Variants in MTX2 observed in about 807,000 individuals in gnomAD.
MTX2 encodes metaxin 2.
A neutral mutation model predicts 42.3 loss-of-function variants in MTX2; 35 were observed. The observed-to-expected ratio is 0.83, with a 90% CI of 0.63 to 1.10. The LOEUF is 1.10. Among genes scored for constraint, MTX2 ranks in the 50% least tolerant of loss-of-function variants. The probability of loss-of-function intolerance (pLI) is 0.00; values close to 1 mark genes in which losing one functional copy is unlikely to be tolerated. For synonymous variants in MTX2, 119 were observed against 100.9 expected, an observed-to-expected ratio of 1.18 and a Z score of -1.08; for missense variants, 307 against 304.1, an observed-to-expected ratio of 1.01 and a Z score of -0.07.
chr2:176,335,021 C>T (rs1485190952), intron 9 of MTX2, among the ~76,000 whole-genome samples: 1 of 149,258 alleles, frequency 6.7e-6, no homozygotes, highest in East Asian at 2.0e-4. Flanking sequence ...ACAGGACTTT[C>T]TGGTAGAGGA....
At chr2:176,278,554 C>T (rs1370130049) in intron 1 of MTX2, among the ~76,000 whole-genome samples, 3 of 152,042 alleles carry the variant, frequency 2.0e-5, no homozygotes, top group Non-Finnish European at 4.4e-5. Flanking sequence ...GTGATGGGTG[C>T]CCCATAAAAT....
At chr2:176,312,044 A>T (rs1215886327) in intron 3 of MTX2, among the ~76,000 whole-genome samples, 1 of 152,196 alleles carries the variant, frequency 6.6e-6, no homozygotes, top group Admixed American at 6.5e-5. Flanking sequence ...AGTTGTGTGC[A>T]GATCATTATT....
chr2:176,322,788 A>G (rs1233014055), intron 3 of MTX2, among the ~76,000 whole-genome samples: 1 of 151,988 alleles, frequency 6.6e-6, no homozygotes, highest in South Asian at 2.1e-4. Flanking sequence ...TGGATTTACT[A>G]TAATGATTTA....
chr2:176,289,718 T>G (rs2105406549), intron 1 of MTX2, among the ~76,000 whole-genome samples: 1 of 152,230 alleles, frequency 6.6e-6, no homozygotes, highest in East Asian at 1.9e-4. Flanking sequence ...ATTGCTTTGG[T>G]ATGAAAGTGG....
intron 3 of MTX2, among the ~76,000 whole-genome samples, chr2:176,300,097 G>A (rs1452725665): frequency 6.6e-6 from 1 of 151,806 alleles, no homozygotes; most frequent in Admixed American, 6.6e-5. Context: ...TGAGCCGAAT[G>A]TGTATATATG....
chr2:176,315,030 C>T (rs1684404056), intron 3 of MTX2, among the ~76,000 whole-genome samples: 1 of 152,130 alleles, frequency 6.6e-6, no homozygotes, highest in Admixed American at 6.6e-5. Context: ...GCTCTTCTGT[C>T]AGTTGTGTGC....
chr2:176,311,418 A>G (rs1376244545), intron 3 of MTX2, among the ~76,000 whole-genome samples: 1 of 152,176 alleles, frequency 6.6e-6, no homozygotes, highest in East Asian at 1.9e-4. Context: ...GTGGTGGGAG[A>G]ACCACTGTTC....
intron 3 of MTX2, among the ~76,000 whole-genome samples, chr2:176,318,715 A>C (rs1298167095): frequency 1.3e-5 from 2 of 152,202 alleles, no homozygotes; most frequent in African/African-American, 4.8e-5. Flanking sequence ...TGTTTGCTAT[A>C]ATCACTTTCA....
chr2:176,319,638 C>T (rs1436866441), intron 3 of MTX2, among the ~76,000 whole-genome samples: 1 of 151,712 alleles, frequency 6.6e-6, no homozygotes, highest in African/African-American at 2.4e-5. Flanking sequence ...TGCAGTGGTG[C>T]GACCTCAGCT....
intron 1 of MTX2, among the ~76,000 whole-genome samples, chr2:176,291,496 C>T (rs1693327598): frequency 6.6e-6 from 1 of 151,970 alleles, no homozygotes; most frequent in Non-Finnish European, 1.5e-5. Flanking sequence ...AGAAGATAAA[C>T]AAATACTTAA....
Position 176,269,498 on chromosome 2 carries a change from T to G in MTX2, c.-132T>G. On this transcript the variant is annotated 5_prime_UTR_variant, in exon 1 of 10. Coordinates refer to ENST00000249442, the MANE Select transcript of MTX2 (RefSeq NM_006554.5). ...GGCCTCACTGCAGCCGCCGCTGCTGTTGGAGTGGGCTTTGCGAGTCTGAAC... is the reference window on the plus strand; with the variant it reads ...GGCCTCACTGCAGCCGCCGCTGCTGGTGGAGTGGGCTTTGCGAGTCTGAAC... 1 of 998,086 alleles carries G rather than the reference T, an allele frequency of 1.0e-6. No homozygotes were observed. The highest frequency in any genetic ancestry group is 1.4e-6 in the Non-Finnish European group (1 of 715,620). 61.8% of individuals were successfully genotyped at this position (998,086 alleles called of 1,614,324 possible). A position where few individuals can be genotyped will look rare whatever the true frequency, so the allele number is the denominator to read the frequency against.
intron 4 of MTX2, among the ~76,000 whole-genome samples, chr2:176,323,854 A>G (rs1020995072): frequency 6.6e-6 from 1 of 151,664 alleles, no homozygotes; most frequent in Non-Finnish European, 1.5e-5. Context: ...ATATTCTCCC[A>G]TAATACAGCT....
intron 1 of MTX2, among the ~76,000 whole-genome samples, chr2:176,275,881 G>A (rs1439556175): frequency 6.6e-6 from 1 of 152,150 alleles, no homozygotes. Context: ...AAGGGAGAGA[G>A]GTGTTGAGCA....
At chr2:176,270,516 T>C in intron 1 of MTX2, 1 of 832,634 alleles carries the variant, frequency 1.2e-6, no homozygotes, top group South Asian at 1.5e-5. Context: ...TACTTTGAGA[T>C]AGAGGCTAAT....
At chr2:176,277,976 A>T (rs1692986543) in intron 1 of MTX2, among the ~76,000 whole-genome samples, 1 of 150,512 alleles carries the variant, frequency 6.6e-6, no homozygotes, top group Non-Finnish European at 1.5e-5. Flanking sequence ...GAGGCAAGAT[A>T]TAGTTTATTG....
At chr2:176,289,239 CATTT>C (rs1693274281) in intron 1 of MTX2, among the ~76,000 whole-genome samples, 1 of 151,998 alleles carries the variant, frequency 6.6e-6, no homozygotes, top group South Asian at 2.1e-4. Context: ...GCATTTCTAA[CATTT>C]ATGCATTATT....
At chr2:176,286,741 G>T (rs982650549) in intron 1 of MTX2, among the ~76,000 whole-genome samples, 2 of 151,926 alleles carry the variant, frequency 1.3e-5, no homozygotes, top group South Asian at 4.2e-4. Context: ...TAGAGATGAG[G>T]TTTCACCATG....
rs1220033697 is a variant in MTX2 at position 176,329,397 on chromosome 2, A to G, written c.514A>G (p.Ile172Val). Residue 172 changes from isoleucine to valine, a missense_variant, in exon 8 of 10, where the codon ATT becomes GTT. Coordinates refer to ENST00000249442, the MANE Select transcript of MTX2 (RefSeq NM_006554.5). ...GGAAGTCAAACGTAAGATGAAAGCTATTGGATGGGGAAAGAAGACTCTGGA... is the reference window on the plus strand; with the variant it reads ...GGAAGTCAAACGTAAGATGAAAGCTGTTGGATGGGGAAAGAAGACTCTGGA... ...QWEVKRKMKA[I>V]GWGKKTLDQV... is the part of the protein sequence containing the mutation. 6 of 1,607,166 alleles carry G rather than the reference A, an allele frequency of 3.7e-6. No individual in the cohort carries two copies. Among genetic ancestry groups the G allele is most frequent in the Non-Finnish European group, 5.1e-6 (6 of 1,175,250 alleles).
intron 1 of MTX2, among the ~76,000 whole-genome samples, chr2:176,280,863 G>A (rs1382657825): frequency 1.3e-5 from 2 of 152,226 alleles, no homozygotes; most frequent in Non-Finnish European, 2.9e-5. Flanking sequence ...CCAGTCTAAG[G>A]AGAGCGTCAT....
Sources: allele counts gnomAD v4.1 joint callset (sites outside exome capture counted in the v4.1 genomes callset), GRCh38; gene constraint gnomAD v4.1.1; transcripts MANE v1.5; gene names NCBI Gene and HGNC (gene_info 2026-07-23, HGNC 2026-07-21).